NPEPPS: variants seen among roughly 807,000 people sequenced by gnomAD.
NPEPPS encodes puromycin-sensitive aminopeptidase.
A neutral mutation model predicts 115.5 loss-of-function variants in NPEPPS; 14 were observed. The ratio of observed to expected loss-of-function variants is 0.12; its 90% confidence interval spans 0.08 to 0.19. The LOEUF (loss-of-function observed/expected upper bound fraction) is 0.19. Among genes scored for constraint, NPEPPS ranks in the 10% least tolerant of loss-of-function variants. NPEPPS has a pLI of 1.00. For synonymous variants in NPEPPS, 285 were observed against 390.6 expected (o/e 0.73, Z 3.19); for missense variants, 523 against 1,110.8 (o/e 0.47, Z 7.52).
intron 4 of NPEPPS, chr17:47,580,050 A>T (rs1027686734): frequency 6.6e-6 from 1 of 152,042 alleles, no homozygotes; most frequent in African/African-American, 2.4e-5. Flanking sequence ...TTTGCAAATT[A>T]TATAAATTGT....
intron 16 of NPEPPS, 125 bp from the exon 17 acceptor site, chr17:47,605,208 A>C (rs1913442250): frequency 3.2e-6 from 2 of 620,184 alleles, no homozygotes; most frequent in Non-Finnish European, 5.7e-6. Context: ...CAGTGTTCTG[A>C]GCTTATACAG....
chr17:47,541,378 A>T (rs1567837082), intron 1 of NPEPPS, among the ~76,000 whole-genome samples: 1 of 143,514 alleles, frequency 7.0e-6, no homozygotes, highest in Non-Finnish European at 1.5e-5. Context: ...TGTGTTTCTG[A>T]TTTTTTTTTT....
In NPEPPS at chr17:47,571,373, T is replaced by C. The variant is rs181281636; in HGVS notation, c.418+1879T>C. Among the ~76,000 whole-genome samples, 894 of 152,322 alleles carry C rather than the reference T, an allele frequency of 5.9e-3. 4 individuals are homozygous for C. Among genetic ancestry groups the C allele is most frequent in the African/African-American group, 0.017 (720 of 41,570 alleles). On this transcript the variant is annotated intron_variant, in intron 3 of 22. Transcript: ENST00000322157. ...TTTTAGAAAAAATTTAAATTGGAGA[T>C]GTTTAGTCTTTTATTTCAGTGCTCT...
rs967339486 is a variant in NPEPPS, at chr17:47,612,541, G to A, written c.2177G>A (p.Arg726His). The A allele has an allele frequency of 1.2e-6, 2 of 1,613,816 alleles. No individual in the cohort carries two copies. Among genetic ancestry groups the A allele is most frequent in the Non-Finnish European group, 1.7e-6 (2 of 1,179,870 alleles). Residue 726 changes from arginine to histidine, a missense_variant, in exon 18 of 23, where the codon CGT (arginine) becomes CAT (histidine). Arg to His is a conservative substitution (Grantham distance 29). Coordinates refer to ENST00000322157, the MANE Select transcript of NPEPPS (RefSeq NM_006310.4). ...AGHKATLEEARRRFKDHVEGK... is the reference protein window; with the variant it reads ...AGHKATLEEAHRRFKDHVEGK... ...CATAAGGCAACGTTAGAAGAAGCCC[G>A]TCGTCGGTTTAAGGACCACGTGGAA...
At chr17:47,580,019 A>G (rs1911780031) in intron 4 of NPEPPS, 1 of 151,208 alleles carries the variant, frequency 6.6e-6, no homozygotes, top group Non-Finnish European at 1.5e-5. Context: ...GTAGGCCAGG[A>G]TGATTTTTAT....
At chr17:47,618,659 A>G (rs1914357130) in intron 20 of NPEPPS, among the ~76,000 whole-genome samples, 1 of 152,200 alleles carries the variant, frequency 6.6e-6, no homozygotes, top group African/African-American at 2.4e-5. Flanking sequence ...AGAGTAAACA[A>G]ATTGTCTCTC....
chr17:47,536,692 C>T lies in NPEPPS; in HGVS notation c.255+5137C>T, dbSNP rs978996800. ...TTATGGGCGTGAGCCACCGAGCCAC[C>T]GTGCCTGGCTTCTTTTTTTTTTTTT... On this transcript the variant is annotated intron_variant, in intron 1 of 22. Coordinates refer to ENST00000322157, the MANE Select transcript of NPEPPS (RefSeq NM_006310.4). Among the ~76,000 whole-genome samples the T allele has an allele frequency of 8.4e-5, 12 of 142,812 alleles. No individual in the cohort carries two copies. The East Asian group carries it at 1.7e-3, about 20-fold the overall frequency. 93.7% of individuals were successfully genotyped at this position (142,812 alleles called of 152,430 possible). A position where few individuals can be genotyped will look rare whatever the true frequency, so the allele number is the denominator to read the frequency against.
intron 1 of NPEPPS, among the ~76,000 whole-genome samples, chr17:47,541,606 A>G (rs1442423592): frequency 6.6e-6 from 1 of 152,056 alleles, no homozygotes; most frequent in Non-Finnish European, 1.5e-5. Flanking sequence ...CGAACCCCTG[A>G]CCTCGTGATC....
intron 14 of NPEPPS, among the ~76,000 whole-genome samples, chr17:47,601,262 A>G (rs918829767): frequency 6.6e-5 from 10 of 151,882 alleles, no homozygotes; most frequent in African/African-American, 2.4e-4. Context: ...ACATATATAT[A>G]TATATTTTTT....
At chr17:47,600,546 C>T (rs1207298864) in intron 14 of NPEPPS, among the ~76,000 whole-genome samples, 1 of 152,190 alleles carries the variant, frequency 6.6e-6, no homozygotes, top group Non-Finnish European at 1.5e-5. Flanking sequence ...CATTGTAGTA[C>T]TGACAGGTTT....
chr17:47,609,848 T>C (rs1597888691), intron 17 of NPEPPS, among the ~76,000 whole-genome samples: 1 of 152,230 alleles, frequency 6.6e-6, no homozygotes, highest in Non-Finnish European at 1.5e-5. Context: ...CTGGCCTCTC[T>C]CACTCAGCGT....
intron 17 of NPEPPS, among the ~76,000 whole-genome samples, chr17:47,608,509 C>G (rs889499673): frequency 1.9e-4 from 28 of 151,064 alleles, no homozygotes; most frequent in African/African-American, 6.8e-4. Flanking sequence ...GCATGTGGCT[C>G]ACACCTGTAA....
intron 12 of NPEPPS, among the ~76,000 whole-genome samples, chr17:47,594,636 G>C (rs200269691): frequency 1.7e-4 from 21 of 121,008 alleles, no homozygotes; most frequent in Non-Finnish European, 2.9e-4. Flanking sequence ...GTTATGTTAT[G>C]TTATGTTATT....
At chr17:47,531,610 C>T (rs1197304122) in intron 1 of NPEPPS, 55 bp downstream of exon 1, 42 of 1,530,824 alleles carry the variant, frequency 2.7e-5, no homozygotes, top group Non-Finnish European at 3.4e-5. Flanking sequence ...TTAGGCCGCG[C>T]CCGCGGGCTG....
rs1407523015 is a variant in NPEPPS at position 47,619,093 on chromosome 17, T to C, written c.2488T>C (p.Phe830Leu). ...SKHGRKAAWK[F>L]IKDNWEELYN... is the part of the protein sequence containing the mutation. ...GCATGGTAGGAAAGCTGCTTGGAAA[T>C]TCATAAAGGACAACTGGGAAGAACT... is the stretch of plus-strand genomic sequence containing the variant. The change falls in exon 21 of 23, where the codon TTC (phenylalanine) becomes CTC (leucine). Residue 830 changes from phenylalanine to leucine, a missense_variant. By Grantham distance (22) the Phe-to-Leu change is conservative. Transcript: ENST00000322157. 6.2e-7 allele frequency: 1 copy of C among 1,613,858 alleles called. No homozygotes were observed. Among genetic ancestry groups the C allele is most frequent in the Middle Eastern group, 1.6e-4 (1 of 6,062 alleles).
chr17:47,591,322 G>C (rs1912489793), intron 10 of NPEPPS, among the ~76,000 whole-genome samples: 2 of 152,068 alleles, frequency 1.3e-5, no homozygotes, highest in Admixed American at 1.3e-4. Context: ...GGTGAGCCGA[G>C]ATCGTGCCAT....
rs1307142748 is a variant in NPEPPS at position 47,536,542 on chromosome 17, C to A, written c.255+4987C>A. Among the ~76,000 whole-genome samples the A allele has an allele frequency of 3.3e-5, 5 of 150,980 alleles. No individual in the cohort carries two copies. The South Asian group carries it at 1.0e-3, about 31-fold the overall frequency. On this transcript the variant is annotated intron_variant, in intron 1 of 22. Transcript: ENST00000322157. The stretch of plus-strand genomic sequence containing the variant: ...CCAAATAGCTGGGATTACAGGCATG[C>A]GTCACCACGCCCAGCTAATTTTTTC...
intron 2 of NPEPPS, among the ~76,000 whole-genome samples, chr17:47,555,981 CTTTTTTTT>C (rs886460288): frequency 9.0e-4 from 57 of 63,066 alleles, no homozygotes; most frequent in African/African-American, 2.7e-3. Flanking sequence ...TTCTGTTTTA[CTTTTTTTT>C]TTTTTTTTTT....
intron 2 of NPEPPS, among the ~76,000 whole-genome samples, chr17:47,569,095 G>A (rs1425181973): frequency 3.9e-5 from 6 of 152,230 alleles, no homozygotes; most frequent in African/African-American, 1.4e-4. Flanking sequence ...ATGTTCATGA[G>A]TAAGACTGCA....
Sources: gnomAD v4.1 joint callset for allele counts (sites outside exome capture counted in the v4.1 genomes callset) on GRCh38, gnomAD v4.1.1 for gene constraint, MANE v1.5 for transcripts, NCBI Gene and HGNC (gene_info 2026-07-23, HGNC 2026-07-21) for gene names.